Variants in MTA3 observed in about 807,000 individuals in gnomAD.
MTA3 encodes metastasis-associated protein MTA3.
In MTA3, 34 loss-of-function variants were observed where a neutral mutation model predicts 83.5. The observed-to-expected ratio is 0.41, with a 90% CI of 0.31 to 0.54. The LOEUF is 0.54. Ranked by LOEUF, MTA3 falls within the 20% of genes least tolerant of loss-of-function variation. The pLI is 0.33. For synonymous variants in MTA3, 303 were observed against 252.7 expected (o/e 1.20, Z -1.89); for missense variants, 761 against 726.4 (o/e 1.05, Z -0.55).
chr2:42,607,301 G>T (rs1683594481), intron 3 of MTA3, among the ~76,000 whole-genome samples: 1 of 152,210 alleles, frequency 6.6e-6, no homozygotes, highest in Non-Finnish European at 1.5e-5. Flanking sequence ...GTGCTGCTTT[G>T]TAGCAAAGAG....
At chr2:42,577,105 A>AAAAAAAATAT (rs1211189566) in intron 2 of MTA3, among the ~76,000 whole-genome samples, 2 of 86,952 alleles carry the variant, frequency 2.3e-5, no homozygotes, top group African/African-American at 1.1e-4. Flanking sequence ...AAAAAAAAAA[A>AAAAAAAATAT]ATATATATAT....
intron 4 of MTA3, among the ~76,000 whole-genome samples, chr2:42,610,855 G>C (rs936262137): frequency 7.2e-5 from 11 of 151,912 alleles, no homozygotes; most frequent in African/African-American, 2.7e-4. Context: ...ACTCCTCTTA[G>C]GTTAAAGAAA....
At chr2:42,712,410 GGCT>G (rs1192592357) in intron 14 of MTA3, among the ~76,000 whole-genome samples, 1 of 151,992 alleles carries the variant, frequency 6.6e-6, no homozygotes, top group Non-Finnish European at 1.5e-5. Flanking sequence ...TGATCCTCTT[GGCT>G]TCTGAGTAGG....
chr2:42,530,194 A>G (rs1288560464), intron 2 of MTA3, among the ~76,000 whole-genome samples: 1 of 147,510 alleles, frequency 6.8e-6, no homozygotes. Context: ...CAAAAAAAAA[A>G]AAGATTACAA....
Position 42,718,304 on chromosome 2 carries a change from A to G in MTA3, c.1526-684A>G, listed in dbSNP as rs907580638. Among the ~76,000 whole-genome samples the G allele has an allele frequency of 3.3e-5, 5 of 151,834 alleles. No homozygotes were observed. The East Asian group carries it at 7.9e-4, about 24-fold the overall frequency. On this transcript the variant is annotated intron_variant, in intron 14 of 16. Transcript: ENST00000405094. ...CTCTTGTTGCCCAGGCTGGAGTGCA[A>G]TGGCGTGATCTTGGCTCACCGCAAT...
chr2:42,515,808 G>GTTTAT (rs762015789), intron 2 of MTA3, among the ~76,000 whole-genome samples: 6 of 147,506 alleles, frequency 4.1e-5, no homozygotes, highest in South Asian at 2.2e-4. Context: ...TCGTTTCAGT[G>GTTTAT]TTTATTTTAT....
At chr2:42,553,927 A>T (rs144000034) in intron 2 of MTA3, among the ~76,000 whole-genome samples, 1 of 151,024 alleles carries the variant, frequency 6.6e-6, no homozygotes, top group Admixed American at 6.6e-5. Context: ...AGAAGAAAAA[A>T]AAAACAAAAC....
chr2:42,606,569 G>C (rs868002924), intron 3 of MTA3, among the ~76,000 whole-genome samples: 1 of 144,218 alleles, frequency 6.9e-6, no homozygotes, highest in Non-Finnish European at 1.5e-5. Flanking sequence ...GATGGCGGCC[G>C]GGCGGAGACG....
chr2:42,501,864 G>A (rs1674412034), intron 2 of MTA3, among the ~76,000 whole-genome samples: 1 of 152,164 alleles, frequency 6.6e-6, no homozygotes, highest in African/African-American at 2.4e-5. Context: ...TGTAATCCCA[G>A]CTGCTGGGGA....
intron 2 of MTA3, among the ~76,000 whole-genome samples, chr2:42,516,535 C>T (rs1675152371): frequency 6.6e-6 from 1 of 152,128 alleles, no homozygotes; most frequent in Admixed American, 6.6e-5. Context: ...AAACCCAAGG[C>T]AACTGTTATA....
At chr2:42,688,408 C>T (rs1467096507) in intron 9 of MTA3, among the ~76,000 whole-genome samples, 1 of 152,100 alleles carries the variant, frequency 6.6e-6, no homozygotes, top group Non-Finnish European at 1.5e-5. Flanking sequence ...TTTAAAAAAG[C>T]CATTATAATA....
At chr2:42,586,770 A>AT (rs1258422638) in intron 3 of MTA3, among the ~76,000 whole-genome samples, 1 of 152,158 alleles carries the variant, frequency 6.6e-6, no homozygotes, top group African/African-American at 2.4e-5. Flanking sequence ...AACGCCTGTA[A>AT]TCCCAGCACT....
In MTA3 at chr2:42,547,870, C is replaced by T. The variant is rs376709150; in HGVS notation, c.-140-22567C>T. Among the ~76,000 whole-genome samples, 7 of 148,756 alleles carry T rather than the reference C, an allele frequency of 4.7e-5. No individual in the cohort carries two copies. The East Asian group carries it at 9.9e-4, about 21-fold the overall frequency. ...AAACTGCCCTGTGGTCCTGACTTAG[C>T]TATTGTTACAGGTGCATACTCCTAA... On this transcript the variant is annotated intron_variant, in intron 2 of 17. Coordinates refer to the MTA3 transcript ENST00000405592.
At chr2:42,547,153 G>A (rs1043641548) in intron 2 of MTA3, among the ~76,000 whole-genome samples, 1 of 152,154 alleles carries the variant, frequency 6.6e-6, no homozygotes, top group African/African-American at 2.4e-5. Context: ...GAAGTCTACT[G>A]ATAAAAATCT....
intron 3 of MTA3, among the ~76,000 whole-genome samples, chr2:42,582,243 A>G (rs1020057214): frequency 1.3e-5 from 2 of 152,016 alleles, no homozygotes; most frequent in Admixed American, 6.6e-5. Context: ...TCTTTTCAGT[A>G]GAGACGGGGT....
rs190325911 is a variant in MTA3, at chr2:42,601,544, C to T, written c.191-7914C>T. On this transcript the variant is annotated intron_variant, in intron 3 of 16. Coordinates refer to ENST00000405094, the MANE Select transcript of MTA3 (RefSeq NM_001330442.2). Reference sequence around the variant, plus strand: ...CCTCTCGCTGGTGCGTGCCGCCACACGACTAACTTTCTAAGTTTTGTTTTG... The same window carrying T: ...CCTCTCGCTGGTGCGTGCCGCCACATGACTAACTTTCTAAGTTTTGTTTTG... Among the ~76,000 whole-genome samples, 86 of 152,300 alleles carry T rather than the reference C, an allele frequency of 5.6e-4. 1 individual carries two copies. Among genetic ancestry groups the T allele is most frequent in the African/African-American group, 1.8e-3 (73 of 41,558 alleles).
At chr2:42,563,357 C>T (rs1006700585) in intron 2 of MTA3, among the ~76,000 whole-genome samples, 14 of 151,918 alleles carry the variant, frequency 9.2e-5, no homozygotes, top group African/African-American at 2.9e-4. Context: ...TTAATAGAGA[C>T]GGGGTTTTGC....
intron 8 of MTA3, among the ~76,000 whole-genome samples, chr2:42,666,800 A>G (rs951905172): frequency 8.5e-5 from 13 of 152,048 alleles, no homozygotes; most frequent in African/African-American, 2.7e-4. Context: ...AGTGCCTGGC[A>G]TATATATATA....
chr2:42,530,849 A>G (rs551912051), intron 2 of MTA3, among the ~76,000 whole-genome samples: 6 of 152,212 alleles, frequency 3.9e-5, no homozygotes, highest in African/African-American at 1.4e-4. Flanking sequence ...TGTTTTTTTG[A>G]GACAGAGTCT....
Sources: gnomAD v4.1 joint callset for allele counts (sites outside exome capture counted in the v4.1 genomes callset) on GRCh38, gnomAD v4.1.1 for gene constraint, MANE v1.5 for transcripts, NCBI Gene and HGNC (gene_info 2026-07-23, HGNC 2026-07-21) for gene names.